DNM1L: variants seen among roughly 807,000 people sequenced by gnomAD.
DNM1L encodes dynamin-1-like protein.
In DNM1L, 33 loss-of-function variants were observed where a neutral mutation model predicts 92.8. That is an observed-to-expected ratio of 0.36 (90% CI 0.27 to 0.48). DNM1L has a LOEUF of 0.48. DNM1L is among the 20% of genes least tolerant of loss of function. The pLI, the probability that DNM1L is intolerant of heterozygous loss-of-function variation, is 0.99. For synonymous variants in DNM1L, 284 were observed against 305.0 expected, an observed-to-expected ratio of 0.93 and a Z score of 0.72; for missense variants, 485 against 888.8, an observed-to-expected ratio of 0.55 and a Z score of 5.78.
At chr12:32,679,670 T>C in intron 1 of DNM1L, 1 of 1,263,752 alleles carries the variant, frequency 7.9e-7, no homozygotes, top group Non-Finnish European at 9.9e-7. Context: ...AGGCGGAGAA[T>C]CCGGGGCCCG....
rs746168549 is a variant in DNM1L at position 32,710,972 on chromosome 12, A to C, written c.413A>C (p.Asn138Thr). 10 of 1,613,860 alleles carry C rather than the reference A, an allele frequency of 6.2e-6. No individual in the cohort carries two copies. Among genetic ancestry groups the C allele is most frequent in the African/African-American group, 1.3e-5 (1 of 74,900 alleles). The change falls in exon 5 of 20, where the codon AAC becomes ACC. Residue 138 changes from asparagine (N) to threonine (T), a missense_variant. By Grantham distance (65) the Asn-to-Thr change is moderately conservative. Transcript: ENST00000549701. ...ATTCATCTTAAGATTTTTTCACCCA[A>C]CGTTGTCAATTTGACACTTGTGGAT... The part of the protein sequence containing the change: ...EPIHLKIFSP[N>T]VVNLTLVDLP...
In DNM1L at chr12:32,740,205, C is replaced by T. The variant is rs753979883; in HGVS notation, c.1849C>T (p.Pro617Ser). The T allele has an allele frequency of 5.6e-6, 9 of 1,613,972 alleles. No individual in the cohort carries two copies. Among genetic ancestry groups the T allele is most frequent in the South Asian group, 1.1e-5 (1 of 91,068 alleles). ...ACCCATTCCAATTATGCCAGCCAGTCCACAAAAAGGTCATGCCGTGAACCT... is the reference window on the plus strand; with the variant it reads ...ACCCATTCCAATTATGCCAGCCAGTTCACAAAAAGGTCATGCCGTGAACCT... ...SKPIPIMPAS[P>S]QKGHAVNLLD... The change falls in exon 17 of 20, where the codon CCA (proline) becomes TCA (serine). Residue 617 changes from proline (P) to serine (S), a missense_variant. Coordinates refer to ENST00000549701, the MANE Select transcript of DNM1L (RefSeq NM_012062.5).
intron 1 of DNM1L, among the ~76,000 whole-genome samples, chr12:32,697,047 G>A (rs571348130): frequency 8.6e-5 from 13 of 150,962 alleles, no homozygotes; most frequent in South Asian, 2.1e-4. Context: ...TGGCCAACAC[G>A]GTGAAACCCC....
chr12:32,707,384 T>G lies in DNM1L; in HGVS notation c.268T>G (p.Trp90Gly). ...GEENGVEAEE[W>G]GKFLHTKNKL... ...TTTTCCAGGGGTGGAAGCAGAAGAATGGGGTAAATTTCTTCACACCAAAAA... is the reference window on the plus strand; with the variant it reads ...TTTTCCAGGGGTGGAAGCAGAAGAAGGGGGTAAATTTCTTCACACCAAAAA... Residue 90 changes from tryptophan to glycine, a missense_variant, in exon 3 of 20, where the codon TGG (tryptophan) becomes GGG (glycine). Transcript: ENST00000549701. The G allele has an allele frequency of 1.2e-6, 2 of 1,607,446 alleles. No individual in the cohort carries two copies. Among genetic ancestry groups the G allele is most frequent in the Non-Finnish European group, 1.7e-6 (2 of 1,177,282 alleles).
intron 1 of DNM1L, among the ~76,000 whole-genome samples, chr12:32,681,316 C>T (rs528918320): frequency 6.8e-4 from 104 of 152,194 alleles, no homozygotes; most frequent in Non-Finnish European, 5.9e-4. Flanking sequence ...AGAAATTATC[C>T]GAGGTAGGCA....
intron 13 of DNM1L, 41 bp from the exon 14 acceptor site, chr12:32,737,056 TATATCTCA>T (rs750151030): frequency 3.7e-6 from 6 of 1,602,170 alleles, no homozygotes; most frequent in African/African-American, 1.3e-5. Flanking sequence ...TTAGTAGGCA[TATATCTCA>T]ATACTTGGAT....
At chr12:32,680,393 C>T (rs577509266) in intron 1 of DNM1L, among the ~76,000 whole-genome samples, 10 of 152,108 alleles carry the variant, frequency 6.6e-5, no homozygotes, top group Admixed American at 2.6e-4. Context: ...TGAGAAGGAG[C>T]GGTTTCCCCA....
chr12:32,686,045 CTTTT>C (rs972264615), intron 1 of DNM1L, among the ~76,000 whole-genome samples: 1 of 82,688 alleles, frequency 1.2e-5, no homozygotes, highest in Non-Finnish European at 2.2e-5. Flanking sequence ...TAAAATTAGC[CTTTT>C]TTTTTTTTTT....
intron 9 of DNM1L, chr12:32,726,588 G>T: frequency 8.4e-7 from 1 of 1,186,460 alleles, no homozygotes; most frequent in Non-Finnish European, 1.2e-6. Context: ...TTTGAAGTCT[G>T]CAGCAAGGAT....
chr12:32,679,672 C>T (rs1428378215), intron 1 of DNM1L: 3 of 1,265,932 alleles, frequency 2.4e-6, no homozygotes, highest in East Asian at 3.5e-5. Flanking sequence ...GCGGAGAATC[C>T]GGGGCCCGGC....
intron 5 of DNM1L, 116 bp downstream of exon 5, chr12:32,711,131 C>T (rs1405164641): frequency 3.1e-5 from 27 of 882,990 alleles, no homozygotes; most frequent in Middle Eastern, 2.2e-4. Flanking sequence ...CATTTGATAA[C>T]GTTGAGCCCT....
intron 14 of DNM1L, 61 bp from the exon 15 acceptor site, chr12:32,737,804 T>A: frequency 8.2e-7 from 1 of 1,215,612 alleles, no homozygotes; most frequent in East Asian, 2.3e-5. Context: ...ATTTATAGAA[T>A]GTTCCTGAAT....
rs1419339785 is a variant in DNM1L at position 32,685,963 on chromosome 12, T to A, written c.102+6498T>A. Reference sequence around the variant, plus strand: ...GTTCTTAGATAAATTTATGTTTTTCTCTTTTTTTGTATAGATTATGAGCTG... The same window carrying A: ...GTTCTTAGATAAATTTATGTTTTTCACTTTTTTTGTATAGATTATGAGCTG... On this transcript the variant is annotated intron_variant, in intron 1 of 19. Coordinates refer to ENST00000549701, the MANE Select transcript of DNM1L (RefSeq NM_012062.5). Among the ~76,000 whole-genome samples, 4 of 146,606 alleles carry A rather than the reference T, an allele frequency of 2.7e-5. No individual in the cohort carries two copies. In the East Asian group the frequency reaches 7.8e-4, roughly 29 times the overall value.
At chr12:32,720,252 GTTAAC>G (rs1468403709) in intron 7 of DNM1L, among the ~76,000 whole-genome samples, 1 of 152,232 alleles carries the variant, frequency 6.6e-6, no homozygotes, top group Admixed American at 6.5e-5. Context: ...TGTTCTTCAA[GTTAAC>G]TTAATTATTT....
chr12:32,682,971 A>G (rs967934198), intron 1 of DNM1L, among the ~76,000 whole-genome samples: 1 of 152,168 alleles, frequency 6.6e-6, no homozygotes, highest in African/African-American at 2.4e-5. Flanking sequence ...TAGAGGAGAT[A>G]AGACTTAAAA....
At chr12:32,733,222 C>T (rs1414297178) in intron 12 of DNM1L, among the ~76,000 whole-genome samples, 2 of 152,168 alleles carry the variant, frequency 1.3e-5, no homozygotes, top group African/African-American at 4.8e-5. Flanking sequence ...TAACTAGGTG[C>T]TTTATAGTTA....
chr12:32,699,796 CAA>C (rs34943495), intron 1 of DNM1L, among the ~76,000 whole-genome samples: 5 of 73,590 alleles, frequency 6.8e-5, no homozygotes, highest in Admixed American at 1.6e-4. Context: ...GACTCCATCT[CAA>C]AAAAAAAAAA....
rs936024839 is a variant in DNM1L, at chr12:32,718,711, T to C, written c.688T>C (p.Leu230=). The part of the protein sequence containing the change: ...MDAGTDAMDV[L]MGRVIPVKLG... ...TGCGGGTACTGATGCCATGGATGTA[T>C]TGATGGGAAGGGTTATTCCAGTCAA... The change falls in exon 7 of 20, where the codon TTG becomes CTG. Residue 230 remains leucine, a synonymous_variant. Transcript: ENST00000549701. The C allele has an allele frequency of 1.2e-6, 2 of 1,613,816 alleles. No individual in the cohort carries two copies. Among genetic ancestry groups the C allele is most frequent in the African/African-American group, 1.3e-5 (1 of 74,898 alleles).
rs1953761933 is a variant in DNM1L at position 32,720,682 on chromosome 12, C to T, written c.759C>T (p.Asn253=). ...GVVNRSQLDI[N]NKKSVTDSIR... ...ACCTCAGGAGCCAGCTAGATATTAACAACAAGAAGAGTGTAACTGATTCAA... is the reference window on the plus strand; with the variant it reads ...ACCTCAGGAGCCAGCTAGATATTAATAACAAGAAGAGTGTAACTGATTCAA... The change falls in exon 8 of 20, where the codon AAC becomes AAT. Residue 253 remains asparagine (N), a synonymous_variant. Transcript: ENST00000549701. 6.2e-7 allele frequency: 1 copy of T among 1,613,364 alleles called. No individual in the cohort carries two copies. Among genetic ancestry groups the T allele is most frequent in the Middle Eastern group, 1.7e-4 (1 of 6,056 alleles).
Sources: allele counts gnomAD v4.1 joint callset (sites outside exome capture counted in the v4.1 genomes callset), GRCh38; gene constraint gnomAD v4.1.1; transcripts MANE v1.5; gene names NCBI Gene and HGNC (gene_info 2026-07-23, HGNC 2026-07-21).